The following ICA1 variants were observed in gnomAD, a reference collection of about 807,000 sequenced individuals.
ICA1 encodes the protein islet cell autoantigen 1.
A neutral mutation model predicts 71.0 loss-of-function variants in ICA1; 40 were observed. That is an observed-to-expected ratio of 0.56 (90% CI 0.44 to 0.73). ICA1 has a LOEUF of 0.73. ICA1 is among the 30% of genes least tolerant of loss of function. The probability of loss-of-function intolerance (pLI) is 0.00; values close to 1 mark genes in which losing one functional copy is unlikely to be tolerated. For missense variants in ICA1, 578 were observed against 576.5 expected (o/e 1.00, Z -0.03); for synonymous variants, 207 against 209.5 (o/e 0.99, Z 0.10).
chr7:8,183,384 C>T (rs1782847075), intron 6 of ICA1, among the ~76,000 whole-genome samples: 1 of 152,154 alleles, frequency 6.6e-6, no homozygotes, highest in Admixed American at 6.5e-5. Flanking sequence ...GCAATGCAGC[C>T]ACATTGGAAT....
At chr7:8,221,829 A>C (rs1797194193) in intron 4 of ICA1, among the ~76,000 whole-genome samples, 1 of 152,104 alleles carries the variant, frequency 6.6e-6, no homozygotes, top group African/African-American at 2.4e-5. Flanking sequence ...TTTGAGTTAC[A>C]TTCTATTCCA....
intron 6 of ICA1, among the ~76,000 whole-genome samples, chr7:8,203,972 A>G (rs16872827): frequency 0.16 from 23,691 of 152,040 alleles, 2,008 homozygotes; most frequent in East Asian, 0.27. Context: ...ATTTCACCTC[A>G]AAAAACGACT....
chr7:8,166,286 A>G (rs562920337), intron 6 of ICA1, among the ~76,000 whole-genome samples: 1 of 152,332 alleles, frequency 6.6e-6, no homozygotes, highest in African/African-American at 2.4e-5. Context: ...GAACGGGTAC[A>G]AAAACAGACA....
intron 6 of ICA1, among the ~76,000 whole-genome samples, chr7:8,191,415 C>T (rs370127393): frequency 6.6e-6 from 1 of 152,160 alleles, no homozygotes; most frequent in Non-Finnish European, 1.5e-5. Context: ...ACGCAAACAA[C>T]CACTCTGTTT....
At chr7:8,245,523 C>CTTAT (rs1805656521) in intron 1 of ICA1, among the ~76,000 whole-genome samples, 1 of 151,062 alleles carries the variant, frequency 6.6e-6, no homozygotes, top group Non-Finnish European at 1.5e-5. Context: ...TGAGCCTGCA[C>CTTAT]GTTGTGCTCA....
intron 8 of ICA1, among the ~76,000 whole-genome samples, chr7:8,151,407 C>G (rs567182266): frequency 2.0e-5 from 3 of 152,340 alleles, no homozygotes; most frequent in Non-Finnish European, 4.4e-5. Context: ...AGTCCCTCCA[C>G]TCCCTCCTTT....
At chr7:8,231,617 A>C (rs1015823978) in intron 3 of ICA1, among the ~76,000 whole-genome samples, 3 of 152,182 alleles carry the variant, frequency 2.0e-5, no homozygotes, top group Non-Finnish European at 4.4e-5. Context: ...GTTACAGCAG[A>C]TAGTAGGTAC....
intron 6 of ICA1, among the ~76,000 whole-genome samples, chr7:8,188,432 G>A (rs914134894): frequency 1.5e-4 from 23 of 151,982 alleles, no homozygotes; most frequent in African/African-American, 4.8e-4. Context: ...CCTTCATACC[G>A]ACATAATTTC....
In ICA1 at chr7:8,173,985, A is replaced by G. The variant is rs1042400773; in HGVS notation, c.580-15333T>C. On this transcript the variant is annotated intron_variant, in intron 6 of 13. Transcript: ENST00000402384. The surrounding 1 kb of genome is among the most constrained non-coding windows in gnomAD (Gnocchi z 4.0). Reference sequence around the variant, plus strand: ...AGCATTGTAAGAAAGATATGAGTGCAGGGTTTGGAGGGGTAGTAGAGGATT... The same window carrying G: ...AGCATTGTAAGAAAGATATGAGTGCGGGGTTTGGAGGGGTAGTAGAGGATT... Among the ~76,000 whole-genome samples the G allele has an allele frequency of 7.2e-5, 11 of 152,186 alleles. No individual in the cohort carries two copies. Among genetic ancestry groups the G allele is most frequent in the Non-Finnish European group, 7.4e-5 (5 of 68,020 alleles).
chr7:8,137,717 T>C (rs1176247779), intron 12 of ICA1, among the ~76,000 whole-genome samples: 1 of 152,262 alleles, frequency 6.6e-6, no homozygotes, highest in East Asian at 1.9e-4. Flanking sequence ...GTATGCTACC[T>C]GTCGTAAGAC....
In ICA1 at chr7:8,250,323, A is replaced by C. The variant is rs573025559; in HGVS notation, c.-80+11771T>G. On this transcript the variant is annotated intron_variant, in intron 1 of 13. Transcript: ENST00000402384. ...AACTGGAACAATTCCTCCAGGCATA[A>C]TTAACCATATTAATTATTATTTTTA... Among the ~76,000 whole-genome samples the C allele has an allele frequency of 2.6e-5, 4 of 152,334 alleles. No homozygotes were observed. In the East Asian group the frequency reaches 7.7e-4, roughly 29 times the overall value.
chr7:8,175,088 A>T (rs1039133467), intron 6 of ICA1, among the ~76,000 whole-genome samples: 5 of 152,094 alleles, frequency 3.3e-5, no homozygotes, highest in African/African-American at 1.2e-4. Flanking sequence ...TGAGGTAAGG[A>T]AAACGAGGTG....
chr7:8,253,868 G>C (rs1056424616), intron 1 of ICA1, among the ~76,000 whole-genome samples: 1 of 152,198 alleles, frequency 6.6e-6, no homozygotes, highest in African/African-American at 2.4e-5. Flanking sequence ...AATAATAACA[G>C]TGTGAAGGAA....
At chr7:8,134,142 T>C (rs1244329840) in intron 12 of ICA1, among the ~76,000 whole-genome samples, 1 of 152,198 alleles carries the variant, frequency 6.6e-6, no homozygotes, top group Non-Finnish European at 1.5e-5. Flanking sequence ...CCAGGCACCA[T>C]GCAGGCACCG....
intron 6 of ICA1, among the ~76,000 whole-genome samples, chr7:8,160,687 T>G (rs1330922727): frequency 6.6e-6 from 1 of 152,234 alleles, no homozygotes; most frequent in Non-Finnish European, 1.5e-5. Context: ...GTCCTAAGAC[T>G]TCTTCTGTAT....
In ICA1 at chr7:8,202,394, G is replaced by A. The variant is rs1171720648; in HGVS notation, c.579+15911C>T. Among the ~76,000 whole-genome samples, 10 of 152,142 alleles carry A rather than the reference G, an allele frequency of 6.6e-5. 1 individual carries two copies. The South Asian group carries it at 8.3e-4, about 13-fold the overall frequency. Reference sequence around the variant, plus strand: ...TGTCTTCCTCTTGGGGAGTTTTAACGAGCCCATTCATGTAAATTGCTTAGA... The same window carrying A: ...TGTCTTCCTCTTGGGGAGTTTTAACAAGCCCATTCATGTAAATTGCTTAGA... On this transcript the variant is annotated intron_variant, in intron 6 of 13. Coordinates refer to ENST00000402384, the MANE Select transcript of ICA1 (RefSeq NM_001136020.3).
Position 8,123,481 on chromosome 7 carries a change from C to T in ICA1, c.1330+4392G>A, listed in dbSNP as rs774669860. On this transcript the variant is annotated intron_variant, in intron 13 of 13. Coordinates refer to ENST00000402384, the MANE Select transcript of ICA1 (RefSeq NM_001136020.3). This position sits in a 1 kb window ranked among gnomAD's most constrained non-coding sequence, Gnocchi z 4.1. The stretch of plus-strand genomic sequence containing the variant: ...GTCCTGGTGCCTGTCCCCGAGGACT[C>T]GGTGCCCCAGTCTCTCACGGAGAGC... Among the ~76,000 whole-genome samples, 8 of 152,294 alleles carry T rather than the reference C, an allele frequency of 5.3e-5. No individual in the cohort carries two copies. The highest frequency in any genetic ancestry group is 4.8e-5 in the African/African-American group (2 of 41,574).
At chr7:8,119,038 G>C (rs1041553091) in intron 13 of ICA1, among the ~76,000 whole-genome samples, 4 of 152,326 alleles carry the variant, frequency 2.6e-5, no homozygotes, top group Admixed American at 2.0e-4. Context: ...AGGCTGCCTA[G>C]GTCACCATTT....
intron 6 of ICA1, among the ~76,000 whole-genome samples, chr7:8,187,074 C>G (rs1318027100): frequency 1.3e-5 from 2 of 152,196 alleles, no homozygotes; most frequent in Non-Finnish European, 2.9e-5. Flanking sequence ...CGTGATTACA[C>G]TTATGTGTCA....
Sources: allele counts gnomAD v4.1 joint callset (sites outside exome capture counted in the v4.1 genomes callset), GRCh38; gene constraint gnomAD v4.1.1; non-coding constraint Gnocchi (gnomAD v3.1); transcripts MANE v1.5; gene names NCBI Gene and HGNC (gene_info 2026-07-23, HGNC 2026-07-21).